PRKN: variants seen among roughly 807,000 people sequenced by gnomAD.
The protein encoded by PRKN is E3 ubiquitin-protein ligase parkin.
PRKN carries 56 observed loss-of-function variants against 59.5 expected under a neutral mutation model. That is an observed-to-expected ratio of 0.94 (90% CI 0.76 to 1.18). The LOEUF is 1.18. Among genes scored for constraint, PRKN ranks in the 50% most tolerant of loss-of-function variants. The probability of loss-of-function intolerance (pLI) is 0.00; values close to 1 mark genes in which losing one functional copy is unlikely to be tolerated. For synonymous variants in PRKN, 250 were observed against 222.1 expected (o/e 1.13, Z -1.12); for missense variants, 657 against 596.4 (o/e 1.10, Z -1.06).
chr6:161,627,681 C>A (rs978840046), intron 7 of PRKN, among the ~76,000 whole-genome samples: 1 of 152,146 alleles, frequency 6.6e-6, no homozygotes, highest in African/African-American at 2.4e-5. Context: ...ATGTTTGATC[C>A]CCAATTCAGG....
At chr6:162,452,193 G>C (rs1366892109) in intron 1 of PRKN, among the ~76,000 whole-genome samples, 1 of 152,090 alleles carries the variant, frequency 6.6e-6, no homozygotes, top group Non-Finnish European at 1.5e-5. Context: ...GATATTTTAA[G>C]ATTAAATAAA....
chr6:162,214,913 A>T (rs948205499), intron 3 of PRKN, among the ~76,000 whole-genome samples: 1 of 152,198 alleles, frequency 6.6e-6, no homozygotes, highest in East Asian at 1.9e-4. Flanking sequence ...AAGATTGTTA[A>T]GGCTCCAGCT....
chr6:161,748,363 T>G (rs1053544077), intron 7 of PRKN, among the ~76,000 whole-genome samples: 10 of 151,998 alleles, frequency 6.6e-5, no homozygotes, highest in Non-Finnish European at 1.0e-4. Flanking sequence ...GTTTTTTTTT[T>G]GTCTGTGTAC....
chr6:162,379,476 CTAAA>C (rs886554089), intron 2 of PRKN, among the ~76,000 whole-genome samples: 1 of 152,156 alleles, frequency 6.6e-6, no homozygotes, highest in Admixed American at 6.6e-5. Flanking sequence ...CCCCTCAAGA[CTAAA>C]TAAATACTAA....
At chr6:162,482,214 A>G (rs1792341723) in intron 1 of PRKN, among the ~76,000 whole-genome samples, 1 of 152,220 alleles carries the variant, frequency 6.6e-6, no homozygotes, top group Admixed American at 6.5e-5. Flanking sequence ...CATGCTTGAT[A>G]CAGGGCACTG....
intron 7 of PRKN, among the ~76,000 whole-genome samples, chr6:161,613,366 G>GT (rs1782557655): frequency 6.9e-6 from 1 of 144,384 alleles, no homozygotes; most frequent in African/African-American, 2.5e-5. Flanking sequence ...GATGCGCAAA[G>GT]ATTTTTTTTT....
chr6:161,563,823 C>T (rs1204823873), intron 8 of PRKN, among the ~76,000 whole-genome samples: 4 of 152,200 alleles, frequency 2.6e-5, no homozygotes, highest in East Asian at 1.9e-4. Flanking sequence ...GTTTTATCAA[C>T]TCACTTTCTA....
chr6:162,646,360 C>A (rs1778186400), intron 1 of PRKN, among the ~76,000 whole-genome samples: 1 of 152,020 alleles, frequency 6.6e-6, no homozygotes, highest in Non-Finnish European at 1.5e-5. Context: ...GTGGCCTTGA[C>A]ACCCTGGGCT....
rs571703047 is a variant in PRKN at position 161,435,396 on chromosome 6, G to T, written c.1084-48519C>A. Among the ~76,000 whole-genome samples the T allele has an allele frequency of 3.2e-4, 48 of 152,190 alleles. 2 individuals carry two copies. In the South Asian group the frequency reaches 9.9e-3, roughly 32 times the overall value. ...CCTAATGCAAAGGGATCGTGTGAAGGTAAGTGAAGTCGTTTTGTTAATGTT... is the reference window on the plus strand; with the variant it reads ...CCTAATGCAAAGGGATCGTGTGAAGTTAAGTGAAGTCGTTTTGTTAATGTT... On this transcript the variant is annotated intron_variant, in intron 9 of 11. Coordinates refer to ENST00000366898, the MANE Select transcript of PRKN (RefSeq NM_004562.3).
At chr6:162,714,557 C>T (rs1051825824) in intron 1 of PRKN, among the ~76,000 whole-genome samples, 1 of 152,198 alleles carries the variant, frequency 6.6e-6, no homozygotes, top group Admixed American at 6.5e-5. Context: ...TTTCCTCCAT[C>T]AATCACGGAG....
chr6:161,933,034 C>G (rs1779223862), intron 6 of PRKN, among the ~76,000 whole-genome samples: 1 of 152,294 alleles, frequency 6.6e-6, no homozygotes, highest in African/African-American at 2.4e-5. Context: ...AATCCCGTCA[C>G]TTTGGGAGGC....
chr6:161,867,748 T>C (rs1054626053), intron 6 of PRKN, among the ~76,000 whole-genome samples: 22 of 142,728 alleles, frequency 1.5e-4, no homozygotes, highest in African/African-American at 6.1e-4. Flanking sequence ...TTCATTTATT[T>C]ATTTATTTAT....
At chr6:161,606,873 C>T (rs574544435) in intron 7 of PRKN, among the ~76,000 whole-genome samples, 1 of 152,328 alleles carries the variant, frequency 6.6e-6, no homozygotes, top group South Asian at 2.1e-4. Flanking sequence ...ACTTTCCCTG[C>T]TTCCCCAGGC....
At chr6:162,078,943 A>T (rs1778947575) in intron 4 of PRKN, among the ~76,000 whole-genome samples, 1 of 152,114 alleles carries the variant, frequency 6.6e-6, no homozygotes, top group South Asian at 2.1e-4. Flanking sequence ...CCTCCTTTAC[A>T]GTCTGTCTTC....
At chr6:161,943,244 G>A (rs1185357104) in intron 6 of PRKN, among the ~76,000 whole-genome samples, 3 of 152,112 alleles carry the variant, frequency 2.0e-5, no homozygotes, top group East Asian at 1.9e-4. Context: ...AAGTTGACGC[G>A]AAGCTGAAAA....
In PRKN at chr6:162,467,161, C is replaced by T. The variant is rs114737913; in HGVS notation, c.8-23688G>A. Among the ~76,000 whole-genome samples, 775 of 152,264 alleles carry T rather than the reference C, an allele frequency of 5.1e-3. 4 individuals carry two copies. The highest frequency in any genetic ancestry group is 0.017 in the African/African-American group (710 of 41,548). On this transcript the variant is annotated intron_variant, in intron 1 of 11. Transcript: ENST00000366898. ...ATCACACGTAATCAATCCTTTCACT[C>T]GGCACACCCTAACCTTTTTCCCTTC...
intron 1 of PRKN, among the ~76,000 whole-genome samples, chr6:162,504,614 C>T (rs1793524962): frequency 6.6e-6 from 1 of 152,020 alleles, no homozygotes; most frequent in African/African-American, 2.4e-5. Context: ...AAAGTGTTAA[C>T]ATTTAAGAGA....
At chr6:162,326,905 A>T (rs2128123525) in intron 2 of PRKN, among the ~76,000 whole-genome samples, 1 of 152,310 alleles carries the variant, frequency 6.6e-6, no homozygotes, top group South Asian at 2.1e-4. Flanking sequence ...AAATCATGTG[A>T]CTACACAATT....
intron 1 of PRKN, among the ~76,000 whole-genome samples, chr6:162,598,487 T>C (rs1413710279): frequency 3.3e-5 from 5 of 152,096 alleles, no homozygotes; most frequent in Admixed American, 2.0e-4. Flanking sequence ...AAGATAATAA[T>C]AGCAAGTAAA....
Sources: allele counts gnomAD v4.1 joint callset (sites outside exome capture counted in the v4.1 genomes callset), GRCh38; gene constraint gnomAD v4.1.1; transcripts MANE v1.5; gene names NCBI Gene and HGNC (gene_info 2026-07-23, HGNC 2026-07-21).